Variants in PPP1R1C observed in about 807,000 individuals in gnomAD.
PPP1R1C encodes protein phosphatase 1 regulatory subunit 1C.
Under a neutral mutation model 17.4 loss-of-function variants are expected in PPP1R1C, and 15 were observed. That is an observed-to-expected ratio of 0.86 (90% CI 0.58 to 1.33). The LOEUF (loss-of-function observed/expected upper bound fraction) is 1.33, where lower values mean the gene tolerates loss of function less well. PPP1R1C is among the 40% of genes most tolerant of loss of function. PPP1R1C has a pLI of 0.00. For missense variants in PPP1R1C, 143 were observed against 130.0 expected, an observed-to-expected ratio of 1.10 and a Z score of -0.48; for synonymous variants, 35 against 43.1, an observed-to-expected ratio of 0.81 and a Z score of 0.73.
At chr2:182,006,690 G>A (rs896281104) in intron 2 of PPP1R1C, among the ~76,000 whole-genome samples, 1 of 152,190 alleles carries the variant, frequency 6.6e-6, no homozygotes, top group Non-Finnish European at 1.5e-5. Flanking sequence ...CGTGTGTGAA[G>A]CCATGTGCCA....
chr2:182,052,081 G>T (rs903688341), intron 2 of PPP1R1C, among the ~76,000 whole-genome samples: 1 of 152,030 alleles, frequency 6.6e-6, no homozygotes, highest in Admixed American at 6.5e-5. Context: ...ATTCTAGATT[G>T]ATGATTTTTA....
At chr2:182,002,718 T>G (rs1275828108) in intron 2 of PPP1R1C, among the ~76,000 whole-genome samples, 1 of 152,148 alleles carries the variant, frequency 6.6e-6, no homozygotes, top group Non-Finnish European at 1.5e-5. Context: ...TTTATTAATA[T>G]GCTTCATGAT....
At chr2:182,033,468 A>T (rs551322438) in intron 2 of PPP1R1C, among the ~76,000 whole-genome samples, 3 of 152,208 alleles carry the variant, frequency 2.0e-5, no homozygotes, top group African/African-American at 7.2e-5. Flanking sequence ...AAGTGAATTT[A>T]TGACTTCCTT....
intron 2 of PPP1R1C, among the ~76,000 whole-genome samples, chr2:182,007,137 A>AT (rs1255760309): frequency 2.0e-5 from 3 of 152,152 alleles, no homozygotes; most frequent in Admixed American, 2.0e-4. Flanking sequence ...TTAGAGTTTC[A>AT]TTTTTTGAAC....
chr2:181,955,955 T>C (rs961485325), intron 1 of PPP1R1C, among the ~76,000 whole-genome samples: 1 of 152,198 alleles, frequency 6.6e-6, no homozygotes, highest in African/African-American at 2.4e-5. Flanking sequence ...TAGGTACACA[T>C]GTGCCATGGT....
chr2:182,126,155 TATATTG>T, intron 5 of PPP1R1C, among the ~76,000 whole-genome samples: 1 of 152,074 alleles, frequency 6.6e-6, no homozygotes, highest in East Asian at 1.9e-4. Flanking sequence ...ATAAACCATA[TATATTG>T]TATTTTTTTA....
intron 4 of PPP1R1C, among the ~76,000 whole-genome samples, chr2:182,111,050 G>C (rs1400004009): frequency 6.6e-6 from 1 of 152,006 alleles, no homozygotes; most frequent in Admixed American, 6.6e-5. Flanking sequence ...AGATGATAAA[G>C]ATGTGGGCTC....
chr2:182,057,881 T>C (rs192886468), intron 2 of PPP1R1C, among the ~76,000 whole-genome samples: 122 of 152,242 alleles, frequency 8.0e-4, no homozygotes, highest in African/African-American at 2.9e-3. Flanking sequence ...CTTAGGGTGA[T>C]TTTATTTGGA....
Position 182,073,565 on chromosome 2 carries a change from G to A in PPP1R1C, c.241+9774G>A, listed in dbSNP as rs565419384. 1.3e-3 allele frequency among the ~76,000 whole-genome samples: 201 copies of A among 152,244 alleles called. 1 individual carries two copies. The highest frequency in any genetic ancestry group is 1.1e-3 in the Non-Finnish European group (76 of 68,012). On this transcript the variant is annotated intron_variant, in intron 4 of 4. Coordinates refer to ENST00000682840, the MANE Select transcript of PPP1R1C (RefSeq NM_001080545.3). ...ATGAAAAATGTTGTCAAATGAAAAAGAAAGTTATTTAAAAAATTGTAACTT... is the reference window on the plus strand; with the variant it reads ...ATGAAAAATGTTGTCAAATGAAAAAAAAAGTTATTTAAAAAATTGTAACTT...
intron 4 of PPP1R1C, among the ~76,000 whole-genome samples, chr2:182,095,124 A>G (rs1382083292): frequency 1.3e-5 from 2 of 151,912 alleles, no homozygotes; most frequent in African/African-American, 2.4e-5. Context: ...CCCCATCTCT[A>G]CTAAAAATAC....
intron 4 of PPP1R1C, 32 bp from the exon 5 acceptor site, chr2:182,117,175 A>C (rs753076843): frequency 1.2e-4 from 172 of 1,407,854 alleles, no homozygotes; most frequent in Non-Finnish European, 1.5e-4. Flanking sequence ...AATGAAAATC[A>C]TTTAAATTTT....
At chr2:182,099,537 G>A (rs1425165498) in intron 4 of PPP1R1C, among the ~76,000 whole-genome samples, 1 of 152,044 alleles carries the variant, frequency 6.6e-6, no homozygotes, top group African/African-American at 2.4e-5. Context: ...TAGGCAAGTG[G>A]GAGAATACAG....
chr2:182,063,347 T>C (rs16822482), intron 3 of PPP1R1C, among the ~76,000 whole-genome samples: 3,124 of 152,172 alleles, frequency 0.021, 110 homozygotes, highest in African/African-American at 0.071. Flanking sequence ...GAACAGATAC[T>C]ATTATTCCCT....
At chr2:182,120,021 A>C (rs1166071084), downstream of PPP1R1C, among the ~76,000 whole-genome samples, 15 of 152,190 alleles carry the variant, frequency 9.9e-5, no homozygotes, top group African/African-American at 7.2e-5. Context: ...GTTTTCTTCT[A>C]GGGTTTTTAT....
chr2:182,025,880 G>A (rs879295529), intron 2 of PPP1R1C, among the ~76,000 whole-genome samples: 1 of 145,368 alleles, frequency 6.9e-6, no homozygotes, highest in African/African-American at 2.7e-5. Flanking sequence ...GTTGTTTCCT[G>A]ACTTTTTAAT....
chr2:182,004,468 G>C (rs1396639614), intron 2 of PPP1R1C, among the ~76,000 whole-genome samples: 1 of 152,198 alleles, frequency 6.6e-6, no homozygotes, highest in Admixed American at 6.5e-5. Flanking sequence ...ATGATAGGGA[G>C]GGTAAGGAAG....
chr2:182,111,089 A>G (rs1689403651), intron 4 of PPP1R1C, among the ~76,000 whole-genome samples: 1 of 152,156 alleles, frequency 6.6e-6, no homozygotes, highest in Non-Finnish European at 1.5e-5. Flanking sequence ...ATACCATATT[A>G]CTTTCCAAAG....
intron 2 of PPP1R1C, among the ~76,000 whole-genome samples, chr2:181,979,478 C>A (rs903819764): frequency 6.6e-6 from 1 of 152,162 alleles, no homozygotes; most frequent in African/African-American, 2.4e-5. Context: ...TACATGGGCA[C>A]CACAGTGATC....
intron 5 of PPP1R1C, among the ~76,000 whole-genome samples, chr2:182,128,001 T>C (rs577426128): frequency 2.6e-5 from 4 of 152,228 alleles, no homozygotes; most frequent in Admixed American, 6.5e-5. Flanking sequence ...TTATTAACTG[T>C]TCTGTGCTGT....
Sources: gnomAD v4.1 joint callset for allele counts (sites outside exome capture counted in the v4.1 genomes callset) on GRCh38, gnomAD v4.1.1 for gene constraint, MANE v1.5 for transcripts, NCBI Gene and HGNC (gene_info 2026-07-23, HGNC 2026-07-21) for gene names.